KLRF1: variants seen among roughly 807,000 people sequenced by gnomAD.
KLRF1 encodes killer cell lectin-like receptor subfamily F member 1.
Under a neutral mutation model 30.7 loss-of-function variants are expected in KLRF1, and 27 were observed. The observed-to-expected ratio is 0.88, with a 90% CI of 0.65 to 1.21. The LOEUF (loss-of-function observed/expected upper bound fraction) is 1.21, where lower values mean the gene tolerates loss of function less well. Ranked by LOEUF, KLRF1 falls within the 50% of genes most tolerant of loss-of-function variation. The pLI is 0.00. For missense variants in KLRF1, 246 were observed against 259.3 expected, an observed-to-expected ratio of 0.95 and a Z score of 0.35; for synonymous variants, 92 against 89.3, an observed-to-expected ratio of 1.03 and a Z score of -0.17.
the KLRF1 span, among the ~76,000 whole-genome samples, chr12:9,811,081 T>G: frequency 2.0e-5 from 3 of 151,942 alleles, no homozygotes; most frequent in Admixed American, 2.0e-4. Context: ...AAGCAGCCAT[T>G]TGGGAACCAT....
At chr12:9,812,149 A>G in the KLRF1 span, among the ~76,000 whole-genome samples, 1 of 152,074 alleles carries the variant, frequency 6.6e-6, no homozygotes, top group East Asian at 1.9e-4. Flanking sequence ...GCGGATCATG[A>G]GGTCAGGAGA....
In KLRF1 at chr12:9,832,408, C is replaced by T; in HGVS notation, c.178C>T (p.Leu60=). ...ILTLTLISLI[L]LVSQGVLLKC... ...CACTTTGACTTTGATCTCCTTGATC[C>T]TGTTGGGTAAGTTTAGAAGATCTTA... Residue 60 remains leucine, a synonymous_variant, in exon 2 of 6, where the codon CTG becomes TTG. Transcript: ENST00000617889. 1 of 1,568,504 alleles carries T rather than the reference C, an allele frequency of 6.4e-7. No individual in the cohort carries two copies. Among genetic ancestry groups the T allele is most frequent in the Non-Finnish European group, 8.8e-7 (1 of 1,139,798 alleles).
chr12:9,806,669 T>C, the KLRF1 span, among the ~76,000 whole-genome samples: 85 of 152,144 alleles, frequency 5.6e-4, 1 homozygote, highest in African/African-American at 2.0e-3. Flanking sequence ...GTGTCTCAAG[T>C]CATTTTTGTT....
At chr12:9,832,476 T>C (rs1867454454) in intron 2 of KLRF1, 62 bp downstream of exon 2, 2 of 945,136 alleles carry the variant, frequency 2.1e-6, no homozygotes, top group Non-Finnish European at 3.3e-6. Context: ...CTCTTATAAA[T>C]CTTTTTATAA....
At chr12:9,820,239 A>G in the KLRF1 span, among the ~76,000 whole-genome samples, 3 of 152,190 alleles carry the variant, frequency 2.0e-5, no homozygotes, top group Admixed American at 6.5e-5. Context: ...CACAGCCTTC[A>G]CTGTTGATAC....
chr12:9,803,219 C>T, the KLRF1 span, among the ~76,000 whole-genome samples: 13 of 152,050 alleles, frequency 8.5e-5, no homozygotes. Context: ...GAAAGGATTC[C>T]CTATTTAATA....
At chr12:9,824,838 C>T (rs975759021), upstream of KLRF1, among the ~76,000 whole-genome samples, 5 of 151,984 alleles carry the variant, frequency 3.3e-5, no homozygotes, top group Non-Finnish European at 7.4e-5. Context: ...CCCAAGCTGA[C>T]AGCCAAATCA....
the KLRF1 span, among the ~76,000 whole-genome samples, chr12:9,800,159 CTG>C: frequency 6.6e-6 from 1 of 152,054 alleles, no homozygotes; most frequent in Non-Finnish European, 1.5e-5. Context: ...TTCTAAGAAA[CTG>C]TCAACATGTT....
At chr12:9,826,410 G>A (rs189200990), upstream of KLRF1, among the ~76,000 whole-genome samples, 2 of 152,280 alleles carry the variant, frequency 1.3e-5, no homozygotes, top group East Asian at 1.9e-4. Flanking sequence ...GGAGAAAAGG[G>A]TTCACTTATA....
chr12:9,805,325 T>A, the KLRF1 span, among the ~76,000 whole-genome samples: 4 of 151,796 alleles, frequency 2.6e-5, no homozygotes, highest in Non-Finnish European at 5.9e-5. Context: ...ATCTTGTGTG[T>A]CCCTTCTGTC....
At chr12:9,810,872 G>A in the KLRF1 span, among the ~76,000 whole-genome samples, 1 of 152,176 alleles carries the variant, frequency 6.6e-6, no homozygotes, top group Non-Finnish European at 1.5e-5. Flanking sequence ...TTTACCTTAA[G>A]CCAAGTTTGG....
intron 3 of KLRF1, among the ~76,000 whole-genome samples, chr12:9,841,274 A>G (rs1028964821): frequency 6.6e-6 from 1 of 152,036 alleles, no homozygotes; most frequent in African/African-American, 2.4e-5. Context: ...GAACACATGG[A>G]CACATAGAGG....
At chr12:9,818,509 C>T in the KLRF1 span, among the ~76,000 whole-genome samples, 1 of 152,150 alleles carries the variant, frequency 6.6e-6, no homozygotes, top group South Asian at 2.1e-4. Context: ...CATTCTGTAA[C>T]TCTTAAGTAT....
chr12:9,837,009 A>G (rs1867591795), intron 3 of KLRF1, among the ~76,000 whole-genome samples: 1 of 152,086 alleles, frequency 6.6e-6, no homozygotes, highest in Admixed American at 6.6e-5. Flanking sequence ...AAAGTAAACA[A>G]TTTCATGATG....
At chr12:9,827,463 AT>A, upstream of KLRF1, 1 of 703,776 alleles carries the variant, frequency 1.4e-6, no homozygotes. Flanking sequence ...TTAGCAGCAG[AT>A]TTATTATTCT....
At chr12:9,804,905 A>G in the KLRF1 span, among the ~76,000 whole-genome samples, 2 of 152,116 alleles carry the variant, frequency 1.3e-5, no homozygotes, top group East Asian at 1.9e-4. Flanking sequence ...TTTTATTGAT[A>G]TGGTATATTA....
intron 4 of KLRF1, 75 bp downstream of exon 4, chr12:9,842,026 G>C: frequency 7.0e-7 from 1 of 1,424,606 alleles, no homozygotes; most frequent in Non-Finnish European, 9.6e-7. Flanking sequence ...TTCCATCTTT[G>C]CATTAAATCA....
chr12:9,821,898 A>G, the KLRF1 span, among the ~76,000 whole-genome samples: 1 of 152,222 alleles, frequency 6.6e-6, no homozygotes, highest in South Asian at 2.1e-4. Flanking sequence ...TTTAATACCA[A>G]ACTACTTCAC....
chr12:9,802,184 T>A, the KLRF1 span, among the ~76,000 whole-genome samples: 1 of 152,076 alleles, frequency 6.6e-6, no homozygotes, highest in Non-Finnish European at 1.5e-5. Flanking sequence ...TAGTTCAACA[T>A]ATACAAATCA....
Sources: gnomAD v4.1 joint callset for allele counts (sites outside exome capture counted in the v4.1 genomes callset) on GRCh38, gnomAD v4.1.1 for gene constraint, MANE v1.5 for transcripts, NCBI Gene and HGNC (gene_info 2026-07-23, HGNC 2026-07-21) for gene names.